Variants in PKNOX2 observed in about 807,000 individuals in gnomAD.
PKNOX2 encodes the protein PBX/knotted 1 homeobox 2, also known as homeobox protein PKNOX2.
In PKNOX2, 14 loss-of-function variants were observed where a neutral mutation model predicts 53.1. That is an observed-to-expected ratio of 0.26 (90% CI 0.17 to 0.41). The LOEUF (loss-of-function observed/expected upper bound fraction) is 0.41, where lower values mean the gene tolerates loss of function less well. PKNOX2 is among the 10% of genes least tolerant of loss of function. The probability of loss-of-function intolerance (pLI) is 1.00; values close to 1 mark genes in which losing one functional copy is unlikely to be tolerated. For synonymous variants in PKNOX2, 257 were observed against 242.8 expected (o/e 1.06, Z -0.54); for missense variants, 496 against 602.8 (o/e 0.82, Z 1.85).
chr11:125,370,790 G>T lies in PKNOX2; in HGVS notation c.227+2805G>T, dbSNP rs1181192431. 1.3e-5 allele frequency among the ~76,000 whole-genome samples: 2 copies of T among 152,224 alleles called. No homozygotes were observed. The highest frequency in any genetic ancestry group is 2.9e-5 in the Non-Finnish European group (2 of 68,032). On this transcript the variant is annotated intron_variant, in intron 5 of 12. Coordinates refer to ENST00000298282, the MANE Select transcript of PKNOX2 (RefSeq NM_001382323.2). The surrounding 1 kb of genome is among the most constrained non-coding windows in gnomAD (Gnocchi z 4.1). ...GGGTCGGGTAATTTTAATTAGATTT[G>T]CCTGCCTGGGGCAGCCTGGCTGCTC...
intron 2 of PKNOX2, among the ~76,000 whole-genome samples, chr11:125,286,386 A>T (rs553608275): frequency 6.6e-6 from 1 of 152,374 alleles, no homozygotes; most frequent in South Asian, 2.1e-4. Flanking sequence ...TTGTAGAGAA[A>T]AGAATCCTTT....
chr11:125,429,174 G>A (rs978946792), intron 11 of PKNOX2, 86 bp downstream of exon 11: 40 of 1,295,028 alleles, frequency 3.1e-5, no homozygotes, highest in East Asian at 2.9e-4. Flanking sequence ...AAAGAGACTC[G>A]AATGCCAGGA....
chr11:125,350,583 G>A (rs890003364), intron 3 of PKNOX2, among the ~76,000 whole-genome samples: 2 of 152,226 alleles, frequency 1.3e-5, no homozygotes, highest in African/African-American at 4.8e-5. Context: ...AATAGGATAT[G>A]CAGGCACATC....
At chr11:125,170,469 T>C (rs1003855526) in intron 1 of PKNOX2, among the ~76,000 whole-genome samples, 3 of 152,118 alleles carry the variant, frequency 2.0e-5, no homozygotes, top group African/African-American at 7.2e-5. Flanking sequence ...CTACCTGAAC[T>C]CCAGGTTTTC....
intron 2 of PKNOX2, among the ~76,000 whole-genome samples, chr11:125,296,695 G>T (rs1947682894): frequency 6.6e-6 from 1 of 152,114 alleles, no homozygotes; most frequent in Admixed American, 6.5e-5. Context: ...GAGTGCAATG[G>T]CGCAATCTTG....
chr11:125,348,576 CCT>C (rs1365873018), intron 3 of PKNOX2, among the ~76,000 whole-genome samples: 1 of 152,220 alleles, frequency 6.6e-6, no homozygotes, highest in Admixed American at 6.5e-5. Context: ...TGAACAGTCT[CCT>C]CTCAGCCTCA....
At chr11:125,338,498 G>A (rs554593000) in intron 3 of PKNOX2, among the ~76,000 whole-genome samples, 13 of 152,208 alleles carry the variant, frequency 8.5e-5, no homozygotes, top group South Asian at 2.1e-4. Flanking sequence ...GAGTAGCCCC[G>A]TTTCCTTCTC....
chr11:125,208,945 T>C (rs2135437163), intron 1 of PKNOX2, among the ~76,000 whole-genome samples: 1 of 151,412 alleles, frequency 6.6e-6, no homozygotes, highest in Middle Eastern at 3.4e-3. Context: ...TGCACTGGAG[T>C]TGTGGGGCCA....
At chr11:125,258,716 G>C (rs1944599880) in intron 2 of PKNOX2, 1 of 208,882 alleles carries the variant, frequency 4.8e-6, no homozygotes, top group Non-Finnish European at 1.0e-5. Context: ...AAATGGCAGG[G>C]GAGAGAAGCA....
chr11:125,215,054 A>G (rs1300642644), intron 1 of PKNOX2, among the ~76,000 whole-genome samples: 1 of 152,004 alleles, frequency 6.6e-6, no homozygotes, highest in African/African-American at 2.4e-5. Context: ...AATCTCCATG[A>G]AAACAAACTT....
chr11:125,433,328 T>G lies in PKNOX2; in HGVS notation c.*1936T>G, dbSNP rs1276824835. ...TGTTATGCAACCTCCTTCTGATGTATCCACCAAACCAGTACTGAATGTGGC... is the reference window on the plus strand; with the variant it reads ...TGTTATGCAACCTCCTTCTGATGTAGCCACCAAACCAGTACTGAATGTGGC... On this transcript the variant is annotated 3_prime_UTR_variant, in exon 13 of 13. Coordinates refer to ENST00000298282, the MANE Select transcript of PKNOX2 (RefSeq NM_001382323.2). 6.5e-6 allele frequency: 1 copy of G among 152,724 alleles called. No individual in the cohort carries two copies. The highest frequency in any genetic ancestry group is 1.5e-5 in the Non-Finnish European group (1 of 68,062). 9.5% of individuals were successfully genotyped at this position (152,724 alleles called of 1,614,324 possible).
At chr11:125,385,436 T>C in intron 5 of PKNOX2, 115 bp from the exon 6 acceptor site, 1 of 1,198,560 alleles carries the variant, frequency 8.3e-7, no homozygotes, top group South Asian at 1.6e-5. Context: ...TATCAAGGAG[T>C]GGGACCTTGG....
intron 1 of PKNOX2, among the ~76,000 whole-genome samples, chr11:125,179,215 T>C (rs1956010576): frequency 6.6e-6 from 1 of 152,124 alleles, no homozygotes; most frequent in Non-Finnish European, 1.5e-5. Flanking sequence ...CAGGGATATA[T>C]AGGTGAGCAA....
At chr11:125,414,006 C>T (rs1258210676) in intron 10 of PKNOX2, among the ~76,000 whole-genome samples, 3 of 152,192 alleles carry the variant, frequency 2.0e-5, no homozygotes, top group African/African-American at 4.8e-5. Flanking sequence ...TAGCCTGAGA[C>T]TGGAGGGTCA....
intron 2 of PKNOX2, among the ~76,000 whole-genome samples, chr11:125,327,693 C>T (rs1258408628): frequency 6.6e-6 from 1 of 152,182 alleles, no homozygotes; most frequent in Non-Finnish European, 1.5e-5. Flanking sequence ...GGCTCTCTGT[C>T]ATGTGAGTGG....
rs189035832 is a variant in PKNOX2 at position 125,184,505 on chromosome 11, C to G, written c.-201+19729C>G. On this transcript the variant is annotated intron_variant, in intron 1 of 12. Transcript: ENST00000298282. ...GATTGAATAGATAGAGAGAGGGGAG[C>G]CATAAACAAGAGTGTGTGTAAGGAA... 2.0e-5 allele frequency: 3 copies of G among 152,278 alleles called. No individual in the cohort carries two copies. The East Asian group carries it at 5.8e-4, about 29-fold the overall frequency. The allele number at this position is 152,278 out of a possible 1,614,324, so 9.4% of individuals were successfully genotyped here.
intron 7 of PKNOX2, 74 bp from the exon 8 acceptor site, chr11:125,410,122 G>A (rs1026220327): frequency 1.7e-5 from 27 of 1,550,742 alleles, no homozygotes; most frequent in African/African-American, 8.2e-5. Flanking sequence ...GGGAAAGGAC[G>A]GAAGAGGACT....
chr11:125,241,719 G>A (rs1943160892), intron 2 of PKNOX2, among the ~76,000 whole-genome samples: 1 of 152,210 alleles, frequency 6.6e-6, no homozygotes, highest in African/African-American at 2.4e-5. Context: ...GCCAGGCGTA[G>A]TGGCGCATGC....
chr11:125,281,098 G>A (rs1026175771), intron 2 of PKNOX2, among the ~76,000 whole-genome samples: 8 of 152,174 alleles, frequency 5.3e-5, no homozygotes, highest in Non-Finnish European at 1.0e-4. Context: ...GACAGCTCTC[G>A]TGTCAGGGTT....
Sources: gnomAD v4.1 joint callset for allele counts (sites outside exome capture counted in the v4.1 genomes callset) on GRCh38, gnomAD v4.1.1 for gene constraint, Gnocchi (gnomAD v3.1) non-coding constraint, MANE v1.5 for transcripts, NCBI Gene and HGNC (gene_info 2026-07-23, HGNC 2026-07-21) for gene names.